ABL1: variants seen among roughly 807,000 people sequenced by gnomAD.
ABL1 encodes the protein tyrosine-protein kinase ABL1.
Under a neutral mutation model 94.7 loss-of-function variants are expected in ABL1, and 11 were observed. The observed-to-expected ratio is 0.12, with a 90% CI of 0.07 to 0.19. The LOEUF is 0.19. Among genes scored for constraint, ABL1 ranks in the 10% least tolerant of loss-of-function variants. The pLI is 1.00. For missense variants in ABL1, 1,082 were observed against 1,489.4 expected, an observed-to-expected ratio of 0.73 and a Z score of 4.50; for synonymous variants, 656 against 622.4, an observed-to-expected ratio of 1.05 and a Z score of -0.80.
At chr9:130,839,248 A>C (rs1830633637) in intron 1 of ABL1, among the ~76,000 whole-genome samples, 1 of 152,078 alleles carries the variant, frequency 6.6e-6, no homozygotes, top group South Asian at 2.1e-4. Context: ...AATTTATTTT[A>C]AGGGCCCACT....
intron 1 of ABL1, among the ~76,000 whole-genome samples, chr9:130,754,679 G>T (rs1366190937): frequency 9.5e-6 from 1 of 105,044 alleles, no homozygotes; most frequent in Non-Finnish European, 1.8e-5. Flanking sequence ...AGTAATGGGG[G>T]GGGCTTGGAA....
At chr9:130,778,299 C>T (rs2132779365) in intron 1 of ABL1, among the ~76,000 whole-genome samples, 1 of 148,650 alleles carries the variant, frequency 6.7e-6, no homozygotes, top group South Asian at 2.2e-4. Context: ...TGTGTTGGGA[C>T]ACTGACTCAC....
intron 1 of ABL1, among the ~76,000 whole-genome samples, chr9:130,781,523 T>C (rs1488036844): frequency 1.3e-5 from 2 of 152,224 alleles, no homozygotes; most frequent in Admixed American, 1.3e-4. Context: ...CCTCTGATTT[T>C]AACCATTGAC....
chr9:130,785,292 T>C (rs35268764), intron 1 of ABL1, among the ~76,000 whole-genome samples: 9 of 152,244 alleles, frequency 5.9e-5, no homozygotes, highest in African/African-American at 2.2e-4. Flanking sequence ...GACAGCCCAG[T>C]GGGTGGTACC....
intron 1 of ABL1, among the ~76,000 whole-genome samples, chr9:130,766,111 A>G (rs1832179351): frequency 6.6e-6 from 1 of 152,306 alleles, no homozygotes; most frequent in Admixed American, 6.5e-5. Context: ...GCTGCTCAGG[A>G]GCTTGTGACT....
chr9:130,861,625 C>T (rs1190442757), intron 3 of ABL1, among the ~76,000 whole-genome samples: 1 of 152,066 alleles, frequency 6.6e-6, no homozygotes, highest in Non-Finnish European at 1.5e-5. Flanking sequence ...CCTTTTCTCC[C>T]TCTCGTCCCA....
intron 1 of ABL1, among the ~76,000 whole-genome samples, chr9:130,718,098 A>G (rs952548529): frequency 9.2e-5 from 14 of 151,964 alleles, no homozygotes; most frequent in Admixed American, 8.5e-4. Context: ...CAGGCGGATC[A>G]CTTGAGGTCA....
intron 1 of ABL1, among the ~76,000 whole-genome samples, chr9:130,787,661 C>T (rs565227024): frequency 3.3e-5 from 5 of 152,250 alleles, no homozygotes; most frequent in Admixed American, 2.6e-4. Flanking sequence ...TGCTCTGCTC[C>T]CAGTCGTCGT....
intron 8 of ABL1, among the ~76,000 whole-genome samples, chr9:130,879,136 C>G (rs930815878): frequency 6.6e-6 from 1 of 152,322 alleles, no homozygotes; most frequent in East Asian, 1.9e-4. Context: ...CTCGGCCTCC[C>G]AAAGTGCTGC....
At chr9:130,878,591 C>T (rs943526950) in intron 8 of ABL1, 24 bp downstream of exon 8, 7 of 1,611,570 alleles carry the variant, frequency 4.3e-6, no homozygotes, top group African/African-American at 2.7e-5. Context: ...AGCCTGTTCT[C>T]ACGAGTATAT....
In ABL1 at chr9:130,883,971, C is replaced by G. The variant is rs1178088676; in HGVS notation, c.1681C>G (p.Pro561Ala). 33 of 1,610,040 alleles carry G rather than the reference C, an allele frequency of 2.0e-5. No homozygotes were observed. Among genetic ancestry groups the G allele is most frequent in the Non-Finnish European group, 2.6e-5 (31 of 1,178,606 alleles). The stretch of plus-strand genomic sequence containing the variant: ...CAGCTCTTCCCCTTGCGTTTCAGAT[C>G]CTCTGGACCATGAGCCTGCCGTGTC... ...PHSKGQGESDPLDHEPAVSPL... is the reference protein window; with the variant it reads ...PHSKGQGESDALDHEPAVSPL... Residue 561 changes from proline (P) to alanine (A), a missense_variant and splice_region_variant, in exon 11 of 11, where the codon CCT (proline) becomes GCT (alanine). By Grantham distance (27) the Pro-to-Ala change is conservative (BLOSUM62 -1). This residue lies in a region of ABL1 where 780 missense variants were observed against 835.8 expected (regional missense o/e 0.93). Transcript: ENST00000318560.
rs58221012 is a variant in ABL1, at chr9:130,752,144, C to T, written c.136+37689C>T. ...TCTTTCATTAGATTCTCAAAGGGGACGATGACCCGACAGAGGCTAAGCACC... is the reference window on the plus strand; with the variant it reads ...TCTTTCATTAGATTCTCAAAGGGGATGATGACCCGACAGAGGCTAAGCACC... On this transcript the variant is annotated intron_variant, in intron 1 of 10. Coordinates refer to the ABL1 transcript ENST00000372348. 1.7e-3 allele frequency among the ~76,000 whole-genome samples: 255 copies of T among 152,248 alleles called. 1 individual carries two copies. The highest frequency in any genetic ancestry group is 5.8e-3 in the African/African-American group (243 of 41,550).
chr9:130,827,495 A>C (rs973593069), intron 1 of ABL1, among the ~76,000 whole-genome samples: 1 of 152,216 alleles, frequency 6.6e-6, no homozygotes, highest in Non-Finnish European at 1.5e-5. Context: ...TAGGCATTAG[A>C]GGAAGGTCTC....
At chr9:130,734,701 T>C (rs987240043) in intron 1 of ABL1, among the ~76,000 whole-genome samples, 1 of 151,906 alleles carries the variant, frequency 6.6e-6, no homozygotes, top group African/African-American at 2.4e-5. Context: ...TTTGTATTTT[T>C]AGTAGAGACA....
chr9:130,716,781 G>A (rs1038990581), intron 1 of ABL1, among the ~76,000 whole-genome samples: 1 of 151,134 alleles, frequency 6.6e-6, no homozygotes, highest in Admixed American at 6.6e-5. Flanking sequence ...GTAGAGTTTC[G>A]CTCTTGTCGC....
At chr9:130,809,032 C>T (rs751473849) in intron 1 of ABL1, among the ~76,000 whole-genome samples, 22 of 152,216 alleles carry the variant, frequency 1.4e-4, no homozygotes, top group Middle Eastern at 6.8e-3. Context: ...ATCAGCAGGC[C>T]CCAGCAGTCT....
chr9:130,744,050 G>C (rs1459674903), intron 1 of ABL1, among the ~76,000 whole-genome samples: 1 of 151,864 alleles, frequency 6.6e-6, no homozygotes, highest in Non-Finnish European at 1.5e-5. Context: ...ACAAATTTTA[G>C]TACTGGTAAC....
intron 1 of ABL1, among the ~76,000 whole-genome samples, chr9:130,759,316 C>T (rs1049214379): frequency 2.6e-5 from 4 of 152,170 alleles, no homozygotes; most frequent in African/African-American, 7.2e-5. Flanking sequence ...GGTCATTGCA[C>T]TCCTCATCTT....
chr9:130,794,897 A>G (rs1829954913), intron 1 of ABL1, among the ~76,000 whole-genome samples: 1 of 152,222 alleles, frequency 6.6e-6, no homozygotes, highest in African/African-American at 2.4e-5. Flanking sequence ...CTCTTACCCC[A>G]GGAACAATGG....
Sources: gnomAD v4.1 joint callset for allele counts (sites outside exome capture counted in the v4.1 genomes callset) on GRCh38, gnomAD v4.1.1 for gene constraint, gnomAD v4.1.1 regional missense constraint, MANE v1.5 for transcripts, NCBI Gene and HGNC (gene_info 2026-07-23, HGNC 2026-07-21) for gene names.